Variants in CPA4 observed in about 807,000 individuals in gnomAD.
CPA4 encodes the protein carboxypeptidase A4.
In CPA4, 49 loss-of-function variants were observed where a neutral mutation model predicts 54.7. The ratio of observed to expected loss-of-function variants is 0.90; its 90% CI spans 0.71 to 1.14. The LOEUF (loss-of-function observed/expected upper bound fraction) is 1.14. CPA4 is among the 50% of genes most tolerant of loss of function. The probability of loss-of-function intolerance (pLI) is 0.00; values close to 1 mark genes in which losing one functional copy is unlikely to be tolerated. For missense variants in CPA4, 487 were observed against 525.1 expected (o/e 0.93, Z 0.71); for synonymous variants, 215 against 206.8 (o/e 1.04, Z -0.34).
chr7:130,316,856 C>A (rs1006294406), intron 10 of CPA4, among the ~76,000 whole-genome samples: 3 of 146,154 alleles, frequency 2.1e-5, no homozygotes, highest in African/African-American at 7.6e-5. Flanking sequence ...TCACTTGAAC[C>A]TGGGAGGCAG....
intron 1 of CPA4, among the ~76,000 whole-genome samples, chr7:130,294,384 T>C (rs1793618035): frequency 6.6e-6 from 1 of 152,232 alleles, no homozygotes; most frequent in South Asian, 2.1e-4. Context: ...AGTTTTATGA[T>C]GATGACTTCT....
At chr7:130,309,364 C>G (rs1219735365) in intron 8 of CPA4, among the ~76,000 whole-genome samples, 1 of 152,182 alleles carries the variant, frequency 6.6e-6, no homozygotes, top group Non-Finnish European at 1.5e-5. Flanking sequence ...CGGAAGGACT[C>G]CTGGCAGCAA....
intron 1 of CPA4, among the ~76,000 whole-genome samples, chr7:130,297,446 C>T (rs1259770736): frequency 1.3e-5 from 2 of 152,274 alleles, no homozygotes; most frequent in East Asian, 1.9e-4. Flanking sequence ...TGCAGTTACC[C>T]GCTGACCTCC....
intron 7 of CPA4, among the ~76,000 whole-genome samples, chr7:130,307,595 G>A (rs1172466557): frequency 7.0e-6 from 1 of 143,342 alleles, no homozygotes; most frequent in Non-Finnish European, 1.5e-5. Flanking sequence ...TGGCGCCACT[G>A]CTCCAGCCTG....
rs1270171601 is a variant in CPA4 at position 130,318,447 on chromosome 7, T to C, written c.1079-4042T>C. Among the ~76,000 whole-genome samples the C allele has an allele frequency of 2.0e-5, 3 of 152,214 alleles. No homozygotes were observed. The South Asian group carries it at 6.2e-4, about 32-fold the overall frequency. On this transcript the variant is annotated intron_variant, in intron 10 of 10. Transcript: ENST00000222482. ...TTGAAATGGAGTTTCGTTTCGCTCT[T>C]GTTGCCCAGGCTGGAGTGCAATGGC...
rs113676595 is a variant in CPA4, at chr7:130,308,408, G to A, written c.793+11G>A. ...ACGCTAGTTTTGCAGGTAGGCGGTG[G>A]GGAGACAGTTCTCAAATCCTGCTGT... On this transcript the variant is annotated intron_variant, in intron 8 of 10. Transcript: ENST00000222482. 0.023 allele frequency: 37,672 copies of A among 1,609,510 alleles called. 543 individuals are homozygous for A. Among genetic ancestry groups the A allele is most frequent in the Non-Finnish European group, 0.027 (32,101 of 1,175,788 alleles).
At chr7:130,293,458 TC>T in intron 1 of CPA4, 1 of 534,656 alleles carries the variant, frequency 1.9e-6, no homozygotes. Context: ...CATTGCAGTC[TC>T]TCCCCAGCTC....
intron 8 of CPA4, among the ~76,000 whole-genome samples, chr7:130,309,578 T>A (rs1488538646): frequency 6.6e-6 from 1 of 152,228 alleles, no homozygotes; most frequent in Non-Finnish European, 1.5e-5. Context: ...ACTAAGTACC[T>A]TCCGGTATTT....
At chr7:130,298,916 G>T in intron 2 of CPA4, 89 bp downstream of exon 2, 1 of 807,566 alleles carries the variant, frequency 1.2e-6, no homozygotes, top group East Asian at 2.5e-5. Flanking sequence ...TTTTATTTCT[G>T]AGGAGTCTCT....
chr7:130,322,197 A>G (rs1391197190), intron 10 of CPA4, among the ~76,000 whole-genome samples: 1 of 152,140 alleles, frequency 6.6e-6, no homozygotes, highest in Non-Finnish European at 1.5e-5. Flanking sequence ...GCTGCCTACT[A>G]TACTCTCTAT....
chr7:130,322,754 C>T lies in CPA4; in HGVS notation c.*78C>T, dbSNP rs1246337419. 2.1e-6 allele frequency: 3 copies of T among 1,436,804 alleles called. No homozygotes were observed. Among genetic ancestry groups the T allele is most frequent in the Non-Finnish European group, 2.8e-6 (3 of 1,054,996 alleles). 89.0% of individuals were successfully genotyped at this position (1,436,804 alleles called of 1,614,324 possible). ...AGGCCATTGTTAAAGGAGCTCTTTC[C>T]TACCTGTGTGAGTCAGAGCCCTCTG... On this transcript the variant is annotated 3_prime_UTR_variant, in exon 11 of 11. Transcript: ENST00000222482.
chr7:130,318,639 G>A (rs947106945), intron 10 of CPA4, among the ~76,000 whole-genome samples: 5 of 152,208 alleles, frequency 3.3e-5, no homozygotes, highest in African/African-American at 9.6e-5. Context: ...TTGAGCTCCC[G>A]ACCTCAGGTG....
chr7:130,314,148 T>C (rs1020166478), intron 10 of CPA4, among the ~76,000 whole-genome samples: 1 of 152,190 alleles, frequency 6.6e-6, no homozygotes, highest in African/African-American at 2.4e-5. Flanking sequence ...TGATCCTTGG[T>C]AGTCAACTTT....
chr7:130,298,675 TG>T (rs1435514776), intron 1 of CPA4, 70 bp from the exon 2 acceptor site: 3 of 921,310 alleles, frequency 3.3e-6, no homozygotes, highest in Non-Finnish European at 5.4e-6. Flanking sequence ...ATAGGAGGCT[TG>T]GGGGTTTCTT....
In CPA4 at chr7:130,318,663, G is replaced by A. The variant is rs549237330; in HGVS notation, c.1079-3826G>A. 7.9e-5 allele frequency among the ~76,000 whole-genome samples: 12 copies of A among 152,088 alleles called. No individual in the cohort carries two copies. The East Asian group carries it at 1.2e-3, about 15-fold the overall frequency. Reference sequence around the variant, plus strand: ...CGACCTCAGGTGATCTGCCCGCCTCGGCCTCTCAAAGTGCTGGGATTACAG... The same window carrying A: ...CGACCTCAGGTGATCTGCCCGCCTCAGCCTCTCAAAGTGCTGGGATTACAG... On this transcript the variant is annotated intron_variant, in intron 10 of 10. Coordinates refer to ENST00000222482, the MANE Select transcript of CPA4 (RefSeq NM_016352.4).
At chr7:130,316,268 C>G (rs902735254) in intron 10 of CPA4, among the ~76,000 whole-genome samples, 1 of 152,164 alleles carries the variant, frequency 6.6e-6, no homozygotes, top group Non-Finnish European at 1.5e-5. Flanking sequence ...ATAGGAGTTC[C>G]CTCAGCTGTG....
Position 130,298,986 on chromosome 7 carries a change from G to A in CPA4, c.150+159G>A, listed in dbSNP as rs1452234974. 2.6e-5 allele frequency among the ~76,000 whole-genome samples: 4 copies of A among 152,378 alleles called. No individual in the cohort carries two copies. In the East Asian group the frequency reaches 7.7e-4, roughly 29 times the overall value. On this transcript the variant is annotated intron_variant, in intron 2 of 10. Transcript: ENST00000222482. Reference sequence around the variant, plus strand: ...TACAATTGAGGGGGCTGATGGGAGAGAGGGAGCACATCACAGCTGTGGTGT... The same window carrying A: ...TACAATTGAGGGGGCTGATGGGAGAAAGGGAGCACATCACAGCTGTGGTGT...
At chr7:130,319,691 A>T (rs1794056331) in intron 10 of CPA4, among the ~76,000 whole-genome samples, 1 of 152,144 alleles carries the variant, frequency 6.6e-6, no homozygotes, top group South Asian at 2.1e-4. Context: ...TGAGGGGCGG[A>T]GCTGTACAGG....
Position 130,305,900 on chromosome 7 carries a change from GCAATCT to G in CPA4, c.572_577del (p.Ala191_Trp193delinsGly). The G allele has an allele frequency of 1.9e-6, 3 of 1,613,810 alleles. No homozygotes were observed. The highest frequency in any genetic ancestry group is 2.5e-6 in the Non-Finnish European group (3 of 1,179,706). On this transcript the variant is annotated inframe_deletion, in exon 6 of 11. Transcript: ENST00000222482. ...CCGAGAGTGGATCTCCCAGGCCACT[GCAATCT>G]GGACGGCAAGGAAGGTCATGCTGCG...
Sources: gnomAD v4.1 joint callset for allele counts (sites outside exome capture counted in the v4.1 genomes callset) on GRCh38, gnomAD v4.1.1 for gene constraint, MANE v1.5 for transcripts, NCBI Gene and HGNC (gene_info 2026-07-23, HGNC 2026-07-21) for gene names.